Variants in DTL observed in about 807,000 individuals in gnomAD.
DTL encodes denticleless protein homolog.
DTL carries 46 observed loss-of-function variants against 87.0 expected under a neutral mutation model. The ratio of observed to expected loss-of-function variants is 0.53; its 90% CI spans 0.42 to 0.68. The LOEUF (loss-of-function observed/expected upper bound fraction) is 0.68. Among genes scored for constraint, DTL ranks in the 30% least tolerant of loss-of-function variants. The pLI, the probability that DTL is intolerant of heterozygous loss-of-function variation, is 0.00. For synonymous variants in DTL, 308 were observed against 311.2 expected, an observed-to-expected ratio of 0.99 and a Z score of 0.11; for missense variants, 737 against 869.4, an observed-to-expected ratio of 0.85 and a Z score of 1.91.
intron 5 of DTL, among the ~76,000 whole-genome samples, chr1:212,059,776 CT>C (rs1339837434): frequency 7.0e-5 from 1 of 14,356 alleles, no homozygotes; most frequent in African/African-American, 2.1e-4. Flanking sequence ...CTTAAAGACT[CT>C]ACAAAAAAAA....
chr1:212,100,692 G>A lies in DTL; in HGVS notation c.1702G>A (p.Val568Met). 1 of 1,614,148 alleles carries A rather than the reference G, an allele frequency of 6.2e-7. No homozygotes were observed. The highest frequency in any genetic ancestry group is 8.5e-7 in the Non-Finnish European group (1 of 1,180,032). The change falls in exon 14 of 15, where the codon GTG (valine) becomes ATG (methionine). Residue 568 changes from valine to methionine, a missense_variant. Transcript: ENST00000366991. ...TCTGGAGAGTGTGAAACAAAAGTGT[G>A]TGAAGAGTTGTAACTGTGTGACTGA... ...SCLESVKQKC[V>M]KSCNCVTELD...
intron 13 of DTL, among the ~76,000 whole-genome samples, chr1:212,089,054 C>T (rs1462168813): frequency 6.6e-6 from 1 of 152,184 alleles, no homozygotes; most frequent in Non-Finnish European, 1.5e-5. Flanking sequence ...CCACTGCACT[C>T]CAGCCTGGGC....
In DTL at chr1:212,035,928, G is replaced by T; in HGVS notation, c.38G>T (p.Gly13Val). 6.2e-7 allele frequency: 1 copy of T among 1,614,150 alleles called. No homozygotes were observed. The highest frequency in any genetic ancestry group is 8.5e-7 in the Non-Finnish European group (1 of 1,180,028). Residue 13 changes from glycine (G) to valine (V), a missense_variant, in exon 1 of 15, where the codon GGC (glycine) becomes GTC (valine). Transcript: ENST00000366991. The part of the protein sequence containing the change: ...FNSVLRQPQL[G>V]VLRNGWSSQY... The stretch of plus-strand genomic sequence containing the variant: ...TCGGTGCTCCGCCAGCCCCAGCTTG[G>T]CGTCCTGAGAAATGGTGAGTAACGG...
At chr1:212,053,623 T>G (rs1432213081) in intron 5 of DTL, among the ~76,000 whole-genome samples, 2 of 152,212 alleles carry the variant, frequency 1.3e-5, no homozygotes, top group East Asian at 3.8e-4. Flanking sequence ...GGTCTCACTC[T>G]GTCACCCAGT....
chr1:212,100,867 G>A lies in DTL; in HGVS notation c.1877G>A (p.Ser626Asn). The A allele has an allele frequency of 6.2e-7, 1 of 1,614,182 alleles. No individual in the cohort carries two copies. Among genetic ancestry groups the A allele is most frequent in the Non-Finnish European group, 8.5e-7 (1 of 1,180,034 alleles). ...ATCTCAGAGCCTCCGTCTCCTATCAGTCCGTATGCTTCAGAAAGCTGTGGA... is the reference window on the plus strand; with the variant it reads ...ATCTCAGAGCCTCCGTCTCCTATCAATCCGTATGCTTCAGAAAGCTGTGGA... ...TSISEPPSPI[S>N]PYASESCGTL... Residue 626 changes from serine (S) to asparagine (N), a missense_variant, in exon 14 of 15, where the codon AGT becomes AAT. Coordinates refer to ENST00000366991, the MANE Select transcript of DTL (RefSeq NM_016448.4).
intron 7 of DTL, among the ~76,000 whole-genome samples, chr1:212,065,650 A>T (rs1654471098): frequency 1.3e-5 from 2 of 152,206 alleles, no homozygotes; most frequent in African/African-American, 4.8e-5. Flanking sequence ...AAGTACTGTG[A>T]TGCAGTTTTC....
At chr1:212,102,100 C>T (rs1283301801) in intron 14 of DTL, among the ~76,000 whole-genome samples, 1 of 152,170 alleles carries the variant, frequency 6.6e-6, no homozygotes, top group Non-Finnish European at 1.5e-5. Flanking sequence ...TTCATAACCC[C>T]GACCTGCTCT....
intron 13 of DTL, among the ~76,000 whole-genome samples, chr1:212,090,940 G>C (rs1220601634): frequency 6.6e-6 from 1 of 152,218 alleles, no homozygotes; most frequent in Non-Finnish European, 1.5e-5. Context: ...ATTCCTGTTT[G>C]AGAGCCCCTG....
rs1027184327 is a variant in DTL at position 212,035,803 on chromosome 1, G to C, written c.-88G>C. 2.3e-6 allele frequency: 3 copies of C among 1,324,064 alleles called. No individual in the cohort carries two copies. The allele number at this position is 1,324,064 out of a possible 1,614,324, so 82.0% of individuals were successfully genotyped here. ...GGAGTTGGAGGCGATAACGATTTGTGTTGTGAGAGGCGCAAGCTGCGATTT... is the reference window on the plus strand; with the variant it reads ...GGAGTTGGAGGCGATAACGATTTGTCTTGTGAGAGGCGCAAGCTGCGATTT... On this transcript the variant is annotated 5_prime_UTR_variant, in exon 1 of 15. Transcript: ENST00000366991.
At chr1:212,036,282 T>C (rs1438491296) in intron 1 of DTL, among the ~76,000 whole-genome samples, 1 of 152,190 alleles carries the variant, frequency 6.6e-6, no homozygotes, top group Non-Finnish European at 1.5e-5. Context: ...TTTGAGATGC[T>C]CAAAACTCCT....
rs1412526597 is a variant in DTL, at chr1:212,080,599, TG to T, written c.1126-14del. 4 of 1,598,936 alleles carry T rather than the reference TG, an allele frequency of 2.5e-6. No individual in the cohort carries two copies. The highest frequency in any genetic ancestry group is 3.4e-6 in the Non-Finnish European group (4 of 1,174,832). ...GATTGAAATTTCTTAATTCCCTTCT[TG>T]GTACTCCCTCTTAGATTGCTACCTG... On this transcript the variant is annotated splice_polypyrimidine_tract_variant and intron_variant, in intron 12 of 14. Coordinates refer to ENST00000366991, the MANE Select transcript of DTL (RefSeq NM_016448.4).
intron 10 of DTL, among the ~76,000 whole-genome samples, chr1:212,070,634 CTGTGTGTGTG>C (rs59056654): frequency 6.0e-5 from 9 of 149,146 alleles, no homozygotes; most frequent in African/African-American, 2.0e-4. Context: ...TGAATGACAA[CTGTGTGTGTG>C]TGTGTGTGTA....
intron 3 of DTL, among the ~76,000 whole-genome samples, chr1:212,045,556 CAA>C (rs1471220204): frequency 2.0e-5 from 3 of 152,020 alleles, no homozygotes; most frequent in African/African-American, 7.2e-5. Flanking sequence ...TGAAATAAAA[CAA>C]AGACTATAAA....
chr1:212,047,479 C>CA, intron 5 of DTL, 62 bp downstream of exon 5: 1 of 1,594,940 alleles, frequency 6.3e-7, no homozygotes, highest in Non-Finnish European at 8.6e-7. Context: ...AGATAAGAAC[C>CA]TGTAATTGTT....
intron 5 of DTL, among the ~76,000 whole-genome samples, chr1:212,048,792 T>G (rs1667877889): frequency 6.6e-6 from 1 of 151,874 alleles, no homozygotes. Flanking sequence ...GTGACAGACA[T>G]TACAATCTCC....
At chr1:212,054,407 C>CAAAA (rs79544521) in intron 5 of DTL, among the ~76,000 whole-genome samples, 2 of 136,276 alleles carry the variant, frequency 1.5e-5, no homozygotes, top group African/African-American at 2.9e-5. Context: ...ACCACACACA[C>CAAAA]AAAAAAAAAA....
intron 5 of DTL, among the ~76,000 whole-genome samples, chr1:212,061,374 C>T (rs576653685): frequency 6.6e-6 from 1 of 152,052 alleles, no homozygotes; most frequent in Non-Finnish European, 1.5e-5. Context: ...ATCATCTTAA[C>T]CCAGTTAGAA....
intron 11 of DTL, among the ~76,000 whole-genome samples, chr1:212,073,614 T>G (rs1017979): frequency 6.6e-6 from 1 of 152,118 alleles, no homozygotes; most frequent in African/African-American, 2.4e-5. Flanking sequence ...ACTGGAGTTG[T>G]GAAAATGCAA....
intron 13 of DTL, among the ~76,000 whole-genome samples, chr1:212,087,742 A>G (rs920905936): frequency 2.0e-5 from 3 of 152,168 alleles, no homozygotes; most frequent in African/African-American, 7.2e-5. Context: ...TTCCAGCCAC[A>G]GATTTGCTGC....
Sources: allele counts gnomAD v4.1 joint callset (sites outside exome capture counted in the v4.1 genomes callset), GRCh38; gene constraint gnomAD v4.1.1; transcripts MANE v1.5; gene names NCBI Gene and HGNC (gene_info 2026-07-23, HGNC 2026-07-21).